The following VAC14 variants were observed in gnomAD, a reference collection of about 807,000 sequenced individuals.
VAC14 encodes the protein protein VAC14 homolog.
In VAC14, 47 loss-of-function variants were observed where a neutral mutation model predicts 85.3. The ratio of observed to expected loss-of-function variants is 0.55; its 90% CI spans 0.44 to 0.70. VAC14 has a LOEUF of 0.70. VAC14 is among the 30% of genes least tolerant of loss of function. The pLI, the probability that VAC14 is intolerant of heterozygous loss-of-function variation, is 0.00. For synonymous variants in VAC14, 447 were observed against 430.5 expected, an observed-to-expected ratio of 1.04 and a Z score of -0.47; for missense variants, 861 against 1,004.3, an observed-to-expected ratio of 0.86 and a Z score of 1.93.
chr16:70,784,697 A>T, intron 4 of VAC14, 79 bp downstream of exon 4: 1 of 1,320,318 alleles, frequency 7.6e-7, no homozygotes, highest in Non-Finnish European at 1.1e-6. Flanking sequence ...GAACATTCCC[A>T]ATGACAGAAT....
At chr16:70,740,330 G>C (rs1171365834) in intron 13 of VAC14, among the ~76,000 whole-genome samples, 2 of 152,198 alleles carry the variant, frequency 1.3e-5, no homozygotes, top group African/African-American at 4.8e-5. Flanking sequence ...TGGGTTTTAG[G>C]GGCAAACGTC....
chr16:70,705,426 C>T (rs1260854198), intron 14 of VAC14, among the ~76,000 whole-genome samples: 1 of 152,244 alleles, frequency 6.6e-6, no homozygotes, highest in Non-Finnish European at 1.5e-5. Flanking sequence ...GCCAACCTGG[C>T]GCTCAAGGGC....
chr16:70,736,739 T>G (rs904755482), intron 13 of VAC14, among the ~76,000 whole-genome samples: 1 of 152,142 alleles, frequency 6.6e-6, no homozygotes, highest in Non-Finnish European at 1.5e-5. Flanking sequence ...CTCAGCTGAG[T>G]GCAGCTCAGC....
intron 18 of VAC14, 147 bp downstream of exon 18, chr16:70,692,674 G>GA: frequency 9.2e-7 from 1 of 1,087,616 alleles, no homozygotes; most frequent in Non-Finnish European, 1.3e-6. Context: ...GTGGCTGCGG[G>GA]GGGGATGGTG....
At chr16:70,785,112 C>T (rs917844473) in intron 3 of VAC14, among the ~76,000 whole-genome samples, 1 of 152,250 alleles carries the variant, frequency 6.6e-6, no homozygotes, top group Admixed American at 6.5e-5. Context: ...GTGACTGGGT[C>T]ACGGGGTTGC....
intron 15 of VAC14, among the ~76,000 whole-genome samples, 185 bp downstream of exon 15, chr16:70,698,452 C>T (rs2053757489): frequency 6.6e-6 from 1 of 152,178 alleles, no homozygotes; most frequent in African/African-American, 2.4e-5. Flanking sequence ...GTGACGCACC[C>T]ATGGTTAGTG....
At chr16:70,689,654 C>T in intron 18 of VAC14, 1 of 985,724 alleles carries the variant, frequency 1.0e-6, no homozygotes, top group Non-Finnish European at 1.2e-6. Context: ...ATGTCTACGG[C>T]TGCGGCTGCT....
chr16:70,797,334 C>T (rs1182151402), intron 1 of VAC14, among the ~76,000 whole-genome samples: 1 of 151,994 alleles, frequency 6.6e-6, no homozygotes. Flanking sequence ...GGGCCCACCT[C>T]GATAATACAG....
At chr16:70,763,068 A>T (rs2032533814) in intron 10 of VAC14, 43 bp from the exon 11 acceptor site, 1 of 1,612,602 alleles carries the variant, frequency 6.2e-7, no homozygotes, top group Admixed American at 1.7e-5. Context: ...GAAGCCCACC[A>T]TAGCCCTCTC....
intron 12 of VAC14, among the ~76,000 whole-genome samples, chr16:70,753,746 A>G (rs1353239605): frequency 1.3e-5 from 2 of 152,208 alleles, no homozygotes; most frequent in Non-Finnish European, 2.9e-5. Context: ...TAAAAGCTCC[A>G]GGGAATTCTG....
Position 70,698,706 on chromosome 16 carries a change from G to C in VAC14, c.1767C>G (p.Leu589=). ...LKFASTMVHA[L]NTILLTSTEL... ...CTGTGGAGGTCAGCAGGATGGTGTT[G>C]AGGGCGTGGACCATGGTCGAGGCGA... Residue 589 remains leucine, a synonymous_variant, in exon 15 of 19, where the codon CTC becomes CTG. Coordinates refer to ENST00000261776, the MANE Select transcript of VAC14 (RefSeq NM_018052.5). 6.2e-7 allele frequency: 1 copy of C among 1,614,200 alleles called. No individual in the cohort carries two copies.
At chr16:70,747,457 T>G (rs1483268642) in intron 12 of VAC14, 1 of 149,560 alleles carries the variant, frequency 6.7e-6, no homozygotes, top group African/African-American at 2.5e-5. Flanking sequence ...AAGTATACAA[T>G]AGAGTCGTTT....
At chr16:70,717,050 C>T (rs1312323015) in intron 14 of VAC14, among the ~76,000 whole-genome samples, 1 of 152,100 alleles carries the variant, frequency 6.6e-6, no homozygotes, top group Non-Finnish European at 1.5e-5. Context: ...CCCAGACCAC[C>T]AGGTCCACAC....
chr16:70,760,663 A>G (rs2032255196), intron 12 of VAC14, among the ~76,000 whole-genome samples: 1 of 152,168 alleles, frequency 6.6e-6, no homozygotes, highest in African/African-American at 2.4e-5. Context: ...CCACAGCCAC[A>G]GCCTGAACAG....
At chr16:70,705,231 T>C (rs749858777) in intron 14 of VAC14, among the ~76,000 whole-genome samples, 1 of 152,126 alleles carries the variant, frequency 6.6e-6, no homozygotes, top group African/African-American at 2.4e-5. Flanking sequence ...CCCTCCTTCC[T>C]TGGGCCTGGC....
chr16:70,775,460 G>A (rs922327864), intron 9 of VAC14, among the ~76,000 whole-genome samples: 1 of 152,232 alleles, frequency 6.6e-6, no homozygotes, highest in Non-Finnish European at 1.5e-5. Flanking sequence ...GCTTAGAGCA[G>A]TGCTATTCTA....
Position 70,708,562 on chromosome 16 carries a change from A to G in VAC14, c.1662-9751T>C, listed in dbSNP as rs191371015. On this transcript the variant is annotated intron_variant, in intron 14 of 18. Transcript: ENST00000261776. ...GGAACTCAGCAGGTGTTTGACTCAC[A>G]ATGAGGTCTGCGTTTGTGTCTTAGA... 5.9e-3 allele frequency among the ~76,000 whole-genome samples: 903 copies of G among 152,312 alleles called. 6 individuals carry two copies. The highest frequency in any genetic ancestry group is 0.019 in the African/African-American group (777 of 41,560).
intron 13 of VAC14, among the ~76,000 whole-genome samples, chr16:70,740,771 G>A (rs997279764): frequency 9.8e-5 from 15 of 152,294 alleles, no homozygotes; most frequent in Non-Finnish European, 1.5e-4. Context: ...CCGATTCTGC[G>A]GCTCTGCACA....
At chr16:70,716,999 G>C (rs914096525) in intron 14 of VAC14, 2 of 152,260 alleles carry the variant, frequency 1.3e-5, no homozygotes, top group Admixed American at 6.5e-5. Flanking sequence ...GGTGGCCCTT[G>C]GTAGGGCCTA....
Sources: allele counts gnomAD v4.1 joint callset (sites outside exome capture counted in the v4.1 genomes callset), GRCh38; gene constraint gnomAD v4.1.1; transcripts MANE v1.5; gene names NCBI Gene and HGNC (gene_info 2026-07-23, HGNC 2026-07-21).